ZMYND8: variants seen among roughly 807,000 people sequenced by gnomAD.
ZMYND8 encodes the protein zinc finger MYND-type containing 8.
In ZMYND8, 37 loss-of-function variants were observed where a neutral mutation model predicts 140.8. The ratio of observed to expected loss-of-function variants is 0.26; its 90% confidence interval spans 0.20 to 0.35. The LOEUF is 0.35. Among genes scored for constraint, ZMYND8 ranks in the 10% least tolerant of loss-of-function variants. ZMYND8 has a pLI of 1.00. For synonymous variants in ZMYND8, 592 were observed against 597.1 expected (o/e 0.99, Z 0.12); for missense variants, 1,068 against 1,570.0 (o/e 0.68, Z 5.40).
intron 11 of ZMYND8, among the ~76,000 whole-genome samples, chr20:47,276,066 C>T (rs1287538325): frequency 6.6e-6 from 1 of 152,210 alleles, no homozygotes; most frequent in Non-Finnish European, 1.5e-5. Context: ...CAGAACTCCA[C>T]AAGATTTCTG....
intron 3 of ZMYND8, 53 bp downstream of exon 3, chr20:47,310,003 C>T: frequency 6.2e-7 from 1 of 1,610,912 alleles, no homozygotes; most frequent in Non-Finnish European, 8.5e-7. Context: ...TTCAGCGCTA[C>T]TAGCTGGCCT....
chr20:47,287,528 C>G (rs1449106103), intron 7 of ZMYND8, among the ~76,000 whole-genome samples: 2 of 152,042 alleles, frequency 1.3e-5, no homozygotes, highest in Non-Finnish European at 2.9e-5. Flanking sequence ...ATGTGGGTTT[C>G]CCTAGAGATC....
chr20:47,254,812 T>G (rs1312129203), intron 12 of ZMYND8, among the ~76,000 whole-genome samples: 1 of 152,096 alleles, frequency 6.6e-6, no homozygotes, highest in African/African-American at 2.4e-5. Context: ...TATTAGCACC[T>G]ACACACCAGT....
intron 2 of ZMYND8, among the ~76,000 whole-genome samples, chr20:47,323,483 C>T (rs2080144638): frequency 6.6e-6 from 1 of 152,148 alleles, no homozygotes; most frequent in African/African-American, 2.4e-5. Context: ...ACCTCAGCCT[C>T]TCAAAGTACT....
chr20:47,241,478 A>T (rs1029117404), intron 14 of ZMYND8, among the ~76,000 whole-genome samples: 2 of 152,090 alleles, frequency 1.3e-5, no homozygotes, highest in Non-Finnish European at 2.9e-5. Context: ...CAACAGGCGG[A>T]AAGTGAGAAT....
chr20:47,305,646 C>T (rs1224986626), intron 3 of ZMYND8, among the ~76,000 whole-genome samples: 1 of 151,982 alleles, frequency 6.6e-6, no homozygotes, highest in Admixed American at 6.6e-5. Flanking sequence ...TAAGTACTAG[C>T]CACTCATTCA....
chr20:47,210,513 G>T lies in ZMYND8; in HGVS notation c.*248C>A. 8.7e-6 allele frequency: 3 copies of T among 343,014 alleles called. No individual in the cohort carries two copies. The highest frequency in any genetic ancestry group is 1.6e-5 in the Non-Finnish European group (3 of 182,706). The allele number at this position is 343,014 out of a possible 1,614,324, so 21.2% of individuals were successfully genotyped here. ...AAGGGGAAAGTCCTCTAGATTCAAT[G>T]ACATCCACAAATTGTACATTATTTA... is the stretch of plus-strand genomic sequence containing the variant. On this transcript the variant is annotated 3_prime_UTR_variant, in exon 23 of 23. Coordinates refer to ENST00000471951, the MANE Select transcript of ZMYND8 (RefSeq NM_001281775.3).
chr20:47,238,012 G>A (rs1403681127), intron 15 of ZMYND8: 7 of 152,296 alleles, frequency 4.6e-5, no homozygotes, highest in African/African-American at 7.2e-5. Flanking sequence ...GGTAACCTTC[G>A]CTATCAACTT....
At chr20:47,261,710 G>T (rs2075171114) in intron 12 of ZMYND8, among the ~76,000 whole-genome samples, 1 of 152,118 alleles carries the variant, frequency 6.6e-6, no homozygotes. Context: ...TGTGCCATGG[G>T]TATAATTTGC....
At chr20:47,283,498 A>G in intron 9 of ZMYND8, 73 bp downstream of exon 9, 1 of 1,509,742 alleles carries the variant, frequency 6.6e-7, no homozygotes, top group Non-Finnish European at 9.2e-7. Flanking sequence ...GCCACCTGGA[A>G]AAAGCTGTCT....
intron 2 of ZMYND8, among the ~76,000 whole-genome samples, chr20:47,333,095 C>T (rs2081082590): frequency 1.3e-5 from 2 of 152,034 alleles, no homozygotes; most frequent in African/African-American, 4.8e-5. Context: ...GCCTGTAATC[C>T]CAACACTTCA....
chr20:47,235,660 T>C (rs760302193), intron 16 of ZMYND8, among the ~76,000 whole-genome samples: 95 of 151,442 alleles, frequency 6.3e-4, no homozygotes, highest in Non-Finnish European at 1.2e-3. Context: ...TGAGACGAGA[T>C]TGTGTCACTG....
chr20:47,257,916 G>A (rs906023927), intron 12 of ZMYND8, among the ~76,000 whole-genome samples: 3 of 152,138 alleles, frequency 2.0e-5, no homozygotes, highest in Admixed American at 6.5e-5. Flanking sequence ...GGAGTGCAGT[G>A]ATGCAATCAT....
At chr20:47,271,988 T>G (rs1435916059) in intron 11 of ZMYND8, among the ~76,000 whole-genome samples, 2 of 151,410 alleles carry the variant, frequency 1.3e-5, no homozygotes, top group East Asian at 3.9e-4. Context: ...CAGCCATCAG[T>G]GACTTTAAAT....
intron 2 of ZMYND8, among the ~76,000 whole-genome samples, chr20:47,323,337 G>A (rs945656607): frequency 5.3e-5 from 8 of 152,098 alleles, no homozygotes; most frequent in African/African-American, 1.7e-4. Flanking sequence ...CAACCTCCCA[G>A]GTTCAAGCGA....
chr20:47,254,822 T>C (rs1342931074), intron 12 of ZMYND8, among the ~76,000 whole-genome samples: 2 of 152,086 alleles, frequency 1.3e-5, no homozygotes, highest in African/African-American at 2.4e-5. Flanking sequence ...TACACACCAG[T>C]TGTGACAATA....
chr20:47,266,367 C>T (rs2075526778), intron 11 of ZMYND8, among the ~76,000 whole-genome samples: 1 of 152,150 alleles, frequency 6.6e-6, no homozygotes, highest in Non-Finnish European at 1.5e-5. Flanking sequence ...GCAACCTCCA[C>T]CTCCCGGGTT....
chr20:47,282,074 A>C, intron 10 of ZMYND8, 28 bp downstream of exon 10: 1 of 1,582,286 alleles, frequency 6.3e-7, no homozygotes, highest in Non-Finnish European at 8.6e-7. Context: ...TGAAAGCTAC[A>C]TGTTCCAAGC....
At chr20:47,307,789 T>C (rs1247241260) in intron 3 of ZMYND8, among the ~76,000 whole-genome samples, 1 of 151,846 alleles carries the variant, frequency 6.6e-6, no homozygotes, top group African/African-American at 2.4e-5. Context: ...ATTGCGCCAT[T>C]GCACTCCAAC....
Sources: gnomAD v4.1 joint callset for allele counts (sites outside exome capture counted in the v4.1 genomes callset) on GRCh38, gnomAD v4.1.1 for gene constraint, MANE v1.5 for transcripts, NCBI Gene and HGNC (gene_info 2026-07-23, HGNC 2026-07-21) for gene names.